Variants in CCDC171 observed in about 807,000 individuals in gnomAD.
The protein encoded by CCDC171 is coiled-coil domain containing 171, also known as coiled-coil domain-containing protein 171.
In CCDC171, 177 loss-of-function variants were observed where a neutral mutation model predicts 168.2. The observed-to-expected ratio is 1.05, with a 90% CI of 0.93 to 1.19. CCDC171 has a LOEUF of 1.19. Among genes scored for constraint, CCDC171 ranks in the 50% most tolerant of loss-of-function variants. The pLI is 0.00. For synonymous variants in CCDC171, 687 were observed against 540.8 expected (o/e 1.27, Z -3.75); for missense variants, 1,991 against 1,539.0 (o/e 1.29, Z -4.91).
chr9:15,663,608 CTTTTTTT>C, intron 8 of CCDC171, among the ~76,000 whole-genome samples: 1 of 123,236 alleles, frequency 8.1e-6, no homozygotes, highest in African/African-American at 2.9e-5. Flanking sequence ...CTTTTTTTTT[CTTTTTTT>C]TTTTTTTTGA....
intron 24 of CCDC171, among the ~76,000 whole-genome samples, chr9:15,919,613 T>C (rs1825028900): frequency 6.6e-6 from 1 of 151,654 alleles, no homozygotes; most frequent in African/African-American, 2.4e-5. Flanking sequence ...AAAAATTCTA[T>C]AAAATATGAT....
At chr9:15,758,927 T>A (rs2056292574) in intron 18 of CCDC171, among the ~76,000 whole-genome samples, 1 of 152,184 alleles carries the variant, frequency 6.6e-6, no homozygotes, top group African/African-American at 2.4e-5. Context: ...ACCTCTTTCT[T>A]TTGTAAATTG....
At chr9:15,729,269 T>C (rs999417468) in intron 15 of CCDC171, among the ~76,000 whole-genome samples, 1 of 152,122 alleles carries the variant, frequency 6.6e-6, no homozygotes, top group South Asian at 2.1e-4. Context: ...TTACTTTTTT[T>C]CCCATTGAGA....
At chr9:16,003,878 T>C (rs1396652350) in intron 3 of CCDC171, among the ~76,000 whole-genome samples, 1 of 152,216 alleles carries the variant, frequency 6.6e-6, no homozygotes, top group Non-Finnish European at 1.5e-5. Flanking sequence ...ATGTTTGCTG[T>C]GGAGCCAGGT....
intron 1 of CCDC171, among the ~76,000 whole-genome samples, chr9:15,562,166 C>T (rs2039355646): frequency 6.6e-6 from 1 of 151,854 alleles, no homozygotes; most frequent in African/African-American, 2.4e-5. Flanking sequence ...AGCTAATTTT[C>T]TTTATTTTTA....
chr9:15,845,891 C>T (rs1246523547), intron 21 of CCDC171, among the ~76,000 whole-genome samples: 2 of 152,054 alleles, frequency 1.3e-5, no homozygotes, highest in African/African-American at 4.8e-5. Flanking sequence ...CAATTGTGAG[C>T]TTCTGATTCT....
the CCDC171 span, among the ~76,000 whole-genome samples, chr9:16,096,005 A>T: frequency 1.3e-5 from 2 of 151,732 alleles, no homozygotes; most frequent in Non-Finnish European, 2.9e-5. Flanking sequence ...ATGTTTCTAT[A>T]CACTGTGAAG....
intron 20 of CCDC171, among the ~76,000 whole-genome samples, 184 bp downstream of exon 20, chr9:15,779,334 A>C (rs1044955478): frequency 6.6e-6 from 1 of 152,106 alleles, no homozygotes; most frequent in Non-Finnish European, 1.5e-5. Flanking sequence ...TGTTGGTGGC[A>C]GGCGGGGGAG....
Position 15,592,446 on chromosome 9 carries a change from T to C in CCDC171, c.543+890T>C, listed in dbSNP as rs371863051. On this transcript the variant is annotated intron_variant, in intron 5 of 25. Transcript: ENST00000380701. ...TTTTTTGAATTCTGGAAATGTGTCT[T>C]TACTAAAATTAATTACACAAAAGCA... 3.9e-5 allele frequency among the ~76,000 whole-genome samples: 6 copies of C among 152,322 alleles called. No homozygotes were observed. In the East Asian group the frequency reaches 7.7e-4, roughly 20 times the overall value.
chr9:16,084,158 A>C, the CCDC171 span, among the ~76,000 whole-genome samples: 10 of 152,192 alleles, frequency 6.6e-5, no homozygotes, highest in Non-Finnish European at 1.0e-4. Context: ...CTTAAAGTAA[A>C]AGCTGCTTCT....
At chr9:15,733,308 A>C (rs1199678182) in intron 16 of CCDC171, among the ~76,000 whole-genome samples, 1 of 152,066 alleles carries the variant, frequency 6.6e-6, no homozygotes, top group African/African-American at 2.4e-5. Flanking sequence ...TGACCCATTT[A>C]TCAATTTTTT....
intron 6 of CCDC171, among the ~76,000 whole-genome samples, chr9:15,617,203 T>C (rs1296867526): frequency 1.3e-5 from 2 of 152,222 alleles, no homozygotes; most frequent in Non-Finnish European, 2.9e-5. Context: ...CTCAATCTCA[T>C]TCTCTGTTCA....
At position 15,780,119 on chromosome 9, in the gene CCDC171, T is replaced by A. The variant is rs919604306; in HGVS notation, c.3081+969T>A. Among the ~76,000 whole-genome samples the A allele has an allele frequency of 6.0e-5, 9 of 150,628 alleles. No individual in the cohort carries two copies. In the East Asian group the frequency reaches 1.3e-3, roughly 23 times the overall value. Reference sequence around the variant, plus strand: ...AGTTTAGTTATTAATCCTATGATAATGTAATTGTGCTAGTGTTAATTATTA... The same window carrying A: ...AGTTTAGTTATTAATCCTATGATAAAGTAATTGTGCTAGTGTTAATTATTA... On this transcript the variant is annotated intron_variant, in intron 20 of 25. Transcript: ENST00000380701.
chr9:15,564,853 T>G (rs1450603917), intron 2 of CCDC171, among the ~76,000 whole-genome samples: 1 of 152,212 alleles, frequency 6.6e-6, no homozygotes, highest in Non-Finnish European at 1.5e-5. Context: ...GTAAAACATT[T>G]GGGGTTGTAT....
At chr9:15,797,284 A>G (rs1328882682) in intron 21 of CCDC171, among the ~76,000 whole-genome samples, 5 of 152,100 alleles carry the variant, frequency 3.3e-5, no homozygotes, top group Non-Finnish European at 7.4e-5. Context: ...TGGCGCTATC[A>G]TGGGTCACTG....
chr9:15,990,395 A>G (rs1161106701), intron 3 of CCDC171, among the ~76,000 whole-genome samples: 3 of 152,222 alleles, frequency 2.0e-5, no homozygotes, highest in Non-Finnish European at 4.4e-5. Context: ...TGTCACCATC[A>G]AGCCTGCCTT....
At chr9:15,709,042 G>C (rs2052459316) in intron 11 of CCDC171, among the ~76,000 whole-genome samples, 1 of 152,076 alleles carries the variant, frequency 6.6e-6, no homozygotes, top group Non-Finnish European at 1.5e-5. Context: ...GAAAGGAACA[G>C]TACCTGGTAC....
At chr9:15,900,000 A>G (rs1821407688) in intron 24 of CCDC171, among the ~76,000 whole-genome samples, 1 of 152,144 alleles carries the variant, frequency 6.6e-6, no homozygotes, top group Non-Finnish European at 1.5e-5. Context: ...TTTATATTTA[A>G]ATCTATGATC....
the CCDC171 span, among the ~76,000 whole-genome samples, chr9:16,066,952 T>A: frequency 6.6e-6 from 1 of 151,892 alleles, no homozygotes; most frequent in South Asian, 2.1e-4. Context: ...AGCAGCATGA[T>A]TTATAGTCCT....
Sources: gnomAD v4.1 joint callset for allele counts (sites outside exome capture counted in the v4.1 genomes callset) on GRCh38, gnomAD v4.1.1 for gene constraint, MANE v1.5 for transcripts, NCBI Gene and HGNC (gene_info 2026-07-23, HGNC 2026-07-21) for gene names.